DPH1: variants seen among roughly 807,000 people sequenced by gnomAD.
DPH1 encodes diphthamide biosynthesis 1.
In DPH1, 59 loss-of-function variants were observed where a neutral mutation model predicts 55.3. That is an observed-to-expected ratio of 1.07 (90% CI 0.87 to 1.33). DPH1 has a LOEUF of 1.33. DPH1 is among the 40% of genes most tolerant of loss of function. DPH1 has a pLI of 0.00. For missense variants in DPH1, 628 were observed against 584.8 expected (o/e 1.07, Z -0.76); for synonymous variants, 238 against 235.5 (o/e 1.01, Z -0.10).
At position 2,043,581 on chromosome 17, in the gene DPH1, G is replaced by A. The variant is rs77385241; in HGVS notation, c.*995G>A. The A allele has an allele frequency of 5.9e-3, 930 of 156,642 alleles. 6 individuals carry two copies. The highest frequency in any genetic ancestry group is 6.7e-3 in the Middle Eastern group (2 of 298). The allele number at this position is 156,642 out of a possible 1,614,324, so 9.7% of individuals were successfully genotyped here. A position where few individuals can be genotyped will look rare whatever the true frequency, so the allele number is the denominator to read the frequency against. On this transcript the variant is annotated 3_prime_UTR_variant, in exon 13 of 13. Coordinates refer to ENST00000263083, the MANE Select transcript of DPH1 (RefSeq NM_001383.6). ...CTGCTGCATGGGTGCACATACTCAC[G>A]TTATTGGTGGAAGTTTTAAGTCCCA...
At chr17:2,039,352 C>T (rs2067475453) in intron 6 of DPH1, 1 of 172,280 alleles carries the variant, frequency 5.8e-6, no homozygotes, top group Non-Finnish European at 1.2e-5. Flanking sequence ...TGAGCCACTG[C>T]ACCTGGCAGC....
At chr17:2,039,581 G>A in intron 6 of DPH1, 174 bp from the exon 7 acceptor site, 1 of 693,696 alleles carries the variant, frequency 1.4e-6, no homozygotes, top group Non-Finnish European at 2.5e-6. Flanking sequence ...GTTTCACTGT[G>A]TTAGCCAGGA....
intron 9 of DPH1, chr17:2,040,853 AGGTACTAAATGTGGTT>A: frequency 8.0e-6 from 5 of 625,378 alleles, no homozygotes; most frequent in Non-Finnish European, 1.4e-5. Context: ...GCCCTGTACC[AGGTACTAAATGTGGTT>A]CTGGGGATAC....
At position 2,041,189 on chromosome 17, in the gene DPH1, C is replaced by G; in HGVS notation, c.1086+8C>G. ...CTGCTGACACCCTATGAGGTAACAC[C>G]AAGCTCTGGGAGAGAGTGGGCTTTG... On this transcript the variant is annotated splice_region_variant and intron_variant, in intron 10 of 12. Transcript: ENST00000263083. 6.2e-7 allele frequency: 1 copy of G among 1,600,436 alleles called. No individual in the cohort carries two copies. Among genetic ancestry groups the G allele is most frequent in the Non-Finnish European group, 8.5e-7 (1 of 1,173,010 alleles).
chr17:2,042,423 T>G lies in DPH1; in HGVS notation c.*19-182T>G, dbSNP rs1251365795. The G allele has an allele frequency of 4.0e-6, 5 of 1,248,666 alleles. No individual in the cohort carries two copies. In the East Asian group the frequency reaches 1.4e-4, roughly 36 times the overall value. The allele number at this position is 1,248,666 out of a possible 1,614,324, so 77.3% of individuals were successfully genotyped here. On this transcript the variant is annotated intron_variant, in intron 12 of 12. Transcript: ENST00000263083. ...TCCTCCCAGGCTTCCGCCTTCACCG[T>G]CTTCCTCCGCTGTCTCCTGTTCAGG...
In DPH1 at chr17:2,042,726, G is replaced by A. The variant is rs2067566076; in HGVS notation, c.*140G>A. ...GCCTGGAGGAATCACTGGGGATGGT[G>A]GCACAGGCACTGAACAGGCTGGGGC... On this transcript the variant is annotated 3_prime_UTR_variant, in exon 13 of 13. Transcript: ENST00000263083. 2 of 1,568,020 alleles carry A rather than the reference G, an allele frequency of 1.3e-6. No individual in the cohort carries two copies. Among genetic ancestry groups the A allele is most frequent in the Non-Finnish European group, 1.7e-6 (2 of 1,158,822 alleles).
intron 6 of DPH1, chr17:2,037,162 C>A: frequency 1.5e-6 from 1 of 664,100 alleles, no homozygotes; most frequent in Non-Finnish European, 2.3e-6. Flanking sequence ...ATCCAGAAGG[C>A]TGTGCAGGGT....
rs1324608003 is a variant in DPH1, at chr17:2,042,811, C to G, written c.*225C>G. ...TGCGCTAGCAGCCCTTGTGTGTGCC[C>G]TGGGCCAGGCAGGCGATCCCCGCTT... On this transcript the variant is annotated 3_prime_UTR_variant, in exon 13 of 13. Transcript: ENST00000263083. The G allele has an allele frequency of 6.2e-7, 1 of 1,613,892 alleles. No individual in the cohort carries two copies. The highest frequency in any genetic ancestry group is 8.5e-7 in the Non-Finnish European group (1 of 1,180,020).
Position 2,042,209 on chromosome 17 carries a change from C to T in DPH1, c.*18+334C>T, listed in dbSNP as rs1166719679. Reference sequence around the variant, plus strand: ...ACCCGGTCCCCGACCCCCCGGGCCCCGAGGGCGCCAGATCAGACTTCGGTG... The same window carrying T: ...ACCCGGTCCCCGACCCCCCGGGCCCTGAGGGCGCCAGATCAGACTTCGGTG... On this transcript the variant is annotated intron_variant, in intron 12 of 12. Transcript: ENST00000263083. The T allele has an allele frequency of 5.6e-6, 8 of 1,431,750 alleles. No individual in the cohort carries two copies. The South Asian group carries it at 8.7e-5, about 16-fold the overall frequency. 88.7% of individuals were successfully genotyped at this position (1,431,750 alleles called of 1,614,324 possible). A position where few individuals can be genotyped will look rare whatever the true frequency, so the allele number is the denominator to read the frequency against.
intron 1 of DPH1, among the ~76,000 whole-genome samples, chr17:2,030,736 C>T (rs1005295257): frequency 6.6e-6 from 1 of 152,220 alleles, no homozygotes; most frequent in African/African-American, 2.4e-5. Context: ...GAGGTGCCTA[C>T]TGGTCCCTGG....
At chr17:2,037,101 CAG>C in intron 6 of DPH1, 145 bp downstream of exon 6, 1 of 1,223,392 alleles carries the variant, frequency 8.2e-7, no homozygotes, top group Non-Finnish European at 1.1e-6. Flanking sequence ...AGGGACCAAA[CAG>C]GGAGCAGACC....
chr17:2,038,305 T>G (rs1404212065), intron 6 of DPH1, among the ~76,000 whole-genome samples: 2 of 151,770 alleles, frequency 1.3e-5, no homozygotes, highest in Non-Finnish European at 2.9e-5. Context: ...GGTGACAGAG[T>G]AAGACCCTGC....
intron 7 of DPH1, 133 bp from the exon 8 acceptor site, chr17:2,040,085 C>A: frequency 7.6e-7 from 1 of 1,320,790 alleles, no homozygotes; most frequent in Non-Finnish European, 1.0e-6. Context: ...ACAGTCCCCG[C>A]TCTTGCCTCT....
chr17:2,043,204 C>T lies in DPH1; in HGVS notation c.*618C>T. 1 of 1,367,036 alleles carries T rather than the reference C, an allele frequency of 7.3e-7. No individual in the cohort carries two copies. Among genetic ancestry groups the T allele is most frequent in the Non-Finnish European group, 1.0e-6 (1 of 1,000,360 alleles). The allele number at this position is 1,367,036 out of a possible 1,614,324, so 84.7% of individuals were successfully genotyped here. On this transcript the variant is annotated 3_prime_UTR_variant, in exon 13 of 13. Transcript: ENST00000263083. ...CCCTCCACTCACTGCTGTGAGTGCG[C>T]CTCACCAGAACCAGTTAAGAGACAA...
At chr17:2,034,233 G>A (rs779977943) in intron 3 of DPH1, among the ~76,000 whole-genome samples, 1 of 152,050 alleles carries the variant, frequency 6.6e-6, no homozygotes, top group Non-Finnish European at 1.5e-5. Context: ...CCTGTTCCTC[G>A]GGCACATTTG....
At chr17:2,038,783 A>G (rs1376828409) in intron 6 of DPH1, among the ~76,000 whole-genome samples, 1 of 152,180 alleles carries the variant, frequency 6.6e-6, no homozygotes, top group Non-Finnish European at 1.5e-5. Context: ...CCACATCTGT[A>G]TTGAGCTTGT....
intron 7 of DPH1, 89 bp from the exon 8 acceptor site, chr17:2,040,129 A>C (rs2067491624): frequency 1.3e-6 from 2 of 1,544,334 alleles, no homozygotes; most frequent in Non-Finnish European, 1.8e-6. Flanking sequence ...CTAAAGGTTC[A>C]GGAGCCCACG....
chr17:2,042,469 CT>C (rs2067558066), intron 12 of DPH1, 135 bp from the exon 13 acceptor site: 1 of 1,344,694 alleles, frequency 7.4e-7, no homozygotes, highest in Admixed American at 3.0e-5. Flanking sequence ...CATTTCCCCC[CT>C]CTCATTTCCC....
At chr17:2,035,453 A>AGGG (rs2067403740) in intron 3 of DPH1, among the ~76,000 whole-genome samples, 1 of 29,166 alleles carries the variant, frequency 3.4e-5, no homozygotes, top group African/African-American at 1.3e-4. Flanking sequence ...TGTGGTGGGG[A>AGGG]GGTAGTGGGG....
Sources: gnomAD v4.1 joint callset for allele counts (sites outside exome capture counted in the v4.1 genomes callset) on GRCh38, gnomAD v4.1.1 for gene constraint, MANE v1.5 for transcripts, NCBI Gene and HGNC (gene_info 2026-07-23, HGNC 2026-07-21) for gene names.